The following TNR variants were observed in gnomAD, a reference collection of about 807,000 sequenced individuals.
The protein encoded by TNR is tenascin R.
TNR carries 45 observed loss-of-function variants against 150.4 expected under a neutral mutation model. The observed-to-expected ratio is 0.30, with a 90% CI of 0.24 to 0.38. The LOEUF (loss-of-function observed/expected upper bound fraction) is 0.38, where lower values mean the gene tolerates loss of function less well. Ranked by LOEUF, TNR falls within the 10% of genes least tolerant of loss-of-function variation. TNR has a pLI of 1.00. For synonymous variants in TNR, 687 were observed against 678.4 expected (o/e 1.01, Z -0.20); for missense variants, 1,544 against 1,759.1 (o/e 0.88, Z 2.19).
At chr1:175,587,583 A>G (rs912918784) in intron 1 of TNR, among the ~76,000 whole-genome samples, 3 of 152,192 alleles carry the variant, frequency 2.0e-5, no homozygotes, top group Non-Finnish European at 2.9e-5. Flanking sequence ...CCAATAAATC[A>G]TTGGCCAGTC....
chr1:175,478,113 AC>A (rs1268333931), intron 2 of TNR, among the ~76,000 whole-genome samples: 1 of 152,042 alleles, frequency 6.6e-6, no homozygotes. Flanking sequence ...CTAAAAATAA[AC>A]CATTTGGGGT....
intron 1 of TNR, among the ~76,000 whole-genome samples, chr1:175,537,610 G>A (rs753787610): frequency 3.3e-5 from 5 of 152,260 alleles, no homozygotes; most frequent in South Asian, 2.1e-4. Flanking sequence ...CATCTCCCCC[G>A]GATCTGCATT....
At chr1:175,343,030 C>G (rs1650601001) in intron 18 of TNR, among the ~76,000 whole-genome samples, 1 of 152,188 alleles carries the variant, frequency 6.6e-6, no homozygotes, top group South Asian at 2.1e-4. Flanking sequence ...ACACTTCCTA[C>G]TGGTCTCCCT....
intron 1 of TNR, among the ~76,000 whole-genome samples, chr1:175,661,647 A>G (rs1665375963): frequency 6.6e-6 from 1 of 152,146 alleles, no homozygotes; most frequent in Non-Finnish European, 1.5e-5. Context: ...TCCCTAATCA[A>G]TGAAGAAAAA....
At chr1:175,431,508 T>C (rs1471310549) in intron 2 of TNR, among the ~76,000 whole-genome samples, 1 of 152,186 alleles carries the variant, frequency 6.6e-6, no homozygotes, top group Non-Finnish European at 1.5e-5. Context: ...CTTCTCTCCC[T>C]TCTATGGGGG....
chr1:175,663,565 A>C (rs1409821870), intron 1 of TNR, among the ~76,000 whole-genome samples: 2 of 152,190 alleles, frequency 1.3e-5, no homozygotes, highest in African/African-American at 4.8e-5. Flanking sequence ...ATGTGATAGG[A>C]TGAGAAAAAA....
intron 1 of TNR, among the ~76,000 whole-genome samples, chr1:175,721,474 G>A (rs1558090716): frequency 1.3e-5 from 2 of 152,090 alleles, no homozygotes; most frequent in Non-Finnish European, 1.5e-5. Flanking sequence ...CCCCACCCAG[G>A]TTTTTAAACC....
At chr1:175,392,472 A>G (rs1653221520) in intron 6 of TNR, among the ~76,000 whole-genome samples, 1 of 152,214 alleles carries the variant, frequency 6.6e-6, no homozygotes, top group Non-Finnish European at 1.5e-5. Flanking sequence ...TCTTTTAATT[A>G]GAGTTTTACA....
chr1:175,646,783 G>T (rs56748150), intron 1 of TNR, among the ~76,000 whole-genome samples: 7,930 of 152,224 alleles, frequency 0.052, 508 homozygotes, highest in African/African-American at 0.15. Flanking sequence ...TCTGCCCAAG[G>T]TTCCACCACT....
intron 1 of TNR, among the ~76,000 whole-genome samples, chr1:175,612,702 T>C (rs1456495081): frequency 6.6e-6 from 1 of 152,210 alleles, no homozygotes; most frequent in Non-Finnish European, 1.5e-5. Flanking sequence ...TTCTGTGATG[T>C]CTTTAAAATC....
intron 16 of TNR, among the ~76,000 whole-genome samples, chr1:175,355,869 G>T (rs1651301151): frequency 6.6e-6 from 1 of 152,154 alleles, no homozygotes; most frequent in Non-Finnish European, 1.5e-5. Flanking sequence ...CTAGGCTTGG[G>T]TGTGACATCT....
chr1:175,645,813 C>G lies in TNR; in HGVS notation c.-165+97413G>C, dbSNP rs577162237. 3.9e-5 allele frequency among the ~76,000 whole-genome samples: 6 copies of G among 152,320 alleles called. No homozygotes were observed. The South Asian group carries it at 1.2e-3, about 32-fold the overall frequency. ...AAATGTATCCATTATCTCAACTAAG[C>G]TTTTGTCTGAAACTAAAAAGCAGTT... On this transcript the variant is annotated intron_variant, in intron 1 of 22. Transcript: ENST00000367674.
At chr1:175,592,494 C>A (rs1332132833) in intron 1 of TNR, among the ~76,000 whole-genome samples, 2 of 151,206 alleles carry the variant, frequency 1.3e-5, no homozygotes, top group East Asian at 1.9e-4. Flanking sequence ...GACTGAGGGA[C>A]CCCTGGCTCG....
chr1:175,582,792 G>T (rs1483101091), intron 1 of TNR, among the ~76,000 whole-genome samples: 1 of 152,070 alleles, frequency 6.6e-6, no homozygotes, highest in Non-Finnish European at 1.5e-5. Flanking sequence ...TTAAGAGGTG[G>T]AACCTTTACA....
chr1:175,618,799 T>C (rs1663863466), intron 1 of TNR, among the ~76,000 whole-genome samples: 1 of 152,222 alleles, frequency 6.6e-6, no homozygotes, highest in South Asian at 2.1e-4. Context: ...TTAACCTGGG[T>C]GCTGGGACTA....
chr1:175,541,426 T>C (rs1557995714), intron 1 of TNR, among the ~76,000 whole-genome samples: 1 of 152,186 alleles, frequency 6.6e-6, no homozygotes, highest in Non-Finnish European at 1.5e-5. Context: ...AGAAACTGTG[T>C]GCAGAGGGAA....
intron 1 of TNR, among the ~76,000 whole-genome samples, chr1:175,695,985 T>TGGATGG (rs1553254673): frequency 4.0e-5 from 6 of 148,844 alleles, no homozygotes; most frequent in Admixed American, 3.3e-4. Context: ...CAGATGGATA[T>TGGATGG]ATGGATGGAT....
intron 2 of TNR, among the ~76,000 whole-genome samples, chr1:175,447,004 T>C (rs1656084142): frequency 6.6e-6 from 1 of 152,222 alleles, no homozygotes; most frequent in African/African-American, 2.4e-5. Flanking sequence ...ATGTGTTATG[T>C]TTACATATAT....
rs1651041149 is a variant in TNR at position 175,351,326 on chromosome 1, A to G, written c.3382+3065T>C. Among the ~76,000 whole-genome samples the G allele has an allele frequency of 1.3e-5, 2 of 152,184 alleles. 1 individual carries two copies. Among genetic ancestry groups the G allele is most frequent in the Admixed American group, 1.3e-4 (2 of 15,278 alleles). On this transcript the variant is annotated intron_variant, in intron 18 of 22. Coordinates refer to ENST00000367674, the MANE Select transcript of TNR (RefSeq NM_003285.3). ...TTTGGGGTAGAGAGGTGGCACAGGC[A>G]ACGAGAGCTCATTAATATTACCATG... is the stretch of plus-strand genomic sequence containing the variant.
Sources: allele counts gnomAD v4.1 joint callset (sites outside exome capture counted in the v4.1 genomes callset), GRCh38; gene constraint gnomAD v4.1.1; transcripts MANE v1.5; gene names NCBI Gene and HGNC (gene_info 2026-07-23, HGNC 2026-07-21).